HSPA2: variants seen among roughly 807,000 people sequenced by gnomAD.
HSPA2 encodes heat shock-related 70 kDa protein 2.
HSPA2 carries 13 observed loss-of-function variants against 35.0 expected under a neutral mutation model. That is an observed-to-expected ratio of 0.37 (90% CI 0.24 to 0.59). The LOEUF (loss-of-function observed/expected upper bound fraction) is 0.59, where lower values mean the gene tolerates loss of function less well. HSPA2 is among the 20% of genes least tolerant of loss of function. HSPA2 has a pLI of 0.70. For synonymous variants in HSPA2, 368 were observed against 382.1 expected (o/e 0.96, Z 0.43); for missense variants, 565 against 885.4 (o/e 0.64, Z 4.59).
chr14:64,540,126 C>T (rs1472313372), upstream of HSPA2, among the ~76,000 whole-genome samples: 4 of 152,078 alleles, frequency 2.6e-5, no homozygotes, highest in African/African-American at 9.7e-5. Context: ...CCCACCCCAG[C>T]CACCCCAATT....
Position 64,542,841 on chromosome 14 carries a change from A to G in HSPA2, c.*72A>G. ...CTTTTTTTTTGTTTGTTTCTTTGAAATGTCCTTGTGCCAAGTACGAGATCT... is the reference window on the plus strand; with the variant it reads ...CTTTTTTTTTGTTTGTTTCTTTGAAGTGTCCTTGTGCCAAGTACGAGATCT... On this transcript the variant is annotated 3_prime_UTR_variant, in exon 1 of 1. Coordinates refer to ENST00000247207, the MANE Select transcript of HSPA2 (RefSeq NM_021979.4). The surrounding 1 kb of genome is among the most constrained non-coding windows in gnomAD (Gnocchi z 5.7). 6.7e-7 allele frequency: 1 copy of G among 1,490,264 alleles called. No individual in the cohort carries two copies. The highest frequency in any genetic ancestry group is 8.9e-7 in the Non-Finnish European group (1 of 1,121,002). The allele number at this position is 1,490,264 out of a possible 1,614,324, so 92.3% of individuals were successfully genotyped here. A position where few individuals can be genotyped will look rare whatever the true frequency, so the allele number is the denominator to read the frequency against.
upstream of HSPA2, among the ~76,000 whole-genome samples, chr14:64,540,116 C>T (rs1204535251): frequency 6.6e-6 from 1 of 152,154 alleles, no homozygotes; most frequent in Non-Finnish European, 1.5e-5. Context: ...GCCCTCACCC[C>T]CCACCCCAGC....
chr14:64,542,221 CT>C lies in HSPA2; in HGVS notation c.1373del (p.Leu458ArgfsTer7). On this transcript the variant is annotated frameshift_variant, in exon 1 of 1. Transcript: ENST00000247207. LOFTEE classifies it high-confidence loss of function. This position sits in a 1 kb window ranked among gnomAD's most constrained non-coding sequence, Gnocchi z 5.7. ...ACGGGCCATGACCAAGGACAATAAC[CT>C]GCTGGGCAAGTTCGACCTGACCGGG... ...GERAMTKDNN[L>X]LGKFDLTGIP... is the part of the protein sequence containing the mutation. 6.2e-7 allele frequency: 1 copy of C among 1,613,914 alleles called. No individual in the cohort carries two copies. Among genetic ancestry groups the C allele is most frequent in the Non-Finnish European group, 8.5e-7 (1 of 1,179,968 alleles).
rs777136298 is a variant in HSPA2 at position 64,542,137 on chromosome 14, A to G, written c.1288A>G (p.Thr430Ala). 6.2e-7 allele frequency: 1 copy of G among 1,613,514 alleles called. No individual in the cohort carries two copies. The highest frequency in any genetic ancestry group is 1.7e-5 in the Admixed American group (1 of 59,988). The change falls in exon 1 of 1, where the codon ACC becomes GCC. Residue 430 changes from threonine to alanine, a missense_variant. Physicochemically the swap from Thr to Ala is moderately conservative, Grantham distance 58. Around this residue, in one of 4 missense-constraint regions of HSPA2, gnomAD observed 234 missense variants for 419.0 expected, o/e 0.56. Transcript: ENST00000247207. The surrounding 1 kb of genome is among the most constrained non-coding windows in gnomAD (Gnocchi z 5.7). ...NTTIPTKQTQ[T>A]FTTYSDNQSS... is the part of the protein sequence containing the mutation. The stretch of plus-strand genomic sequence containing the variant: ...CACGATCCCCACCAAGCAGACGCAG[A>G]CCTTCACCACCTACTCGGACAACCA...
upstream of HSPA2, among the ~76,000 whole-genome samples, chr14:64,536,675 G>A (rs45502099): frequency 2.0e-4 from 31 of 152,260 alleles, 2 homozygotes; most frequent in East Asian, 5.6e-3. Context: ...TGGGAGGATC[G>A]CTTGTGCAAG....
At position 64,541,427 on chromosome 14, in the gene HSPA2, G is replaced by C; in HGVS notation, c.578G>C (p.Gly193Ala). ...GGCCTGGACAAGAAGGGCTGCGCGG[G>C]CGGCGAGAAGAACGTGCTCATCTTT... ...AYGLDKKGCA[G>A]GEKNVLIFDL... The change falls in exon 1 of 1, where the codon GGC (glycine) becomes GCC (alanine). Residue 193 changes from glycine (G) to alanine (A), a missense_variant. By Grantham distance (60) the Gly-to-Ala change is moderately conservative. This residue lies in a region of HSPA2 where 183 missense variants were observed against 281.6 expected (regional missense o/e 0.65). Coordinates refer to ENST00000247207, the MANE Select transcript of HSPA2 (RefSeq NM_021979.4). The C allele has an allele frequency of 1.2e-6, 2 of 1,613,366 alleles. No homozygotes were observed. Among genetic ancestry groups the C allele is most frequent in the Non-Finnish European group, 1.7e-6 (2 of 1,179,686 alleles).
At position 64,541,552 on chromosome 14, in the gene HSPA2, G is replaced by T; in HGVS notation, c.703G>T (p.Asp235Tyr). Residue 235 changes from aspartate to tyrosine, a missense_variant, in exon 1 of 1, where the codon GAC becomes TAC. Coordinates refer to ENST00000247207, the MANE Select transcript of HSPA2 (RefSeq NM_021979.4). ...TAGDTHLGGE[D>Y]FDNRMVSHLA... ...CGGCGACACCCACCTGGGCGGTGAG[G>T]ACTTCGACAACCGCATGGTGAGCCA... 1 of 1,613,154 alleles carries T rather than the reference G, an allele frequency of 6.2e-7. No homozygotes were observed. The highest frequency in any genetic ancestry group is 1.1e-5 in the South Asian group (1 of 91,088).
upstream of HSPA2, among the ~76,000 whole-genome samples, chr14:64,536,605 C>T (rs944110293): frequency 2.0e-5 from 3 of 152,090 alleles, no homozygotes; most frequent in Admixed American, 1.3e-4. Flanking sequence ...TACAAAAATA[C>T]AAAAATTAGC....
upstream of HSPA2, among the ~76,000 whole-genome samples, chr14:64,536,249 G>A (rs978120353): frequency 3.3e-5 from 5 of 151,984 alleles, no homozygotes; most frequent in South Asian, 8.3e-4. Flanking sequence ...ACATTTTTCC[G>A]TGTCATTAAA....
At chr14:64,539,816 A>T (rs1190113083), upstream of HSPA2, among the ~76,000 whole-genome samples, 1 of 151,852 alleles carries the variant, frequency 6.6e-6, no homozygotes, top group Non-Finnish European at 1.5e-5. Context: ...CGAGTAGCTG[A>T]GACTACAGGC....
At chr14:64,539,333 C>T (rs745459840), upstream of HSPA2, among the ~76,000 whole-genome samples, 8 of 152,096 alleles carry the variant, frequency 5.3e-5, no homozygotes, top group Non-Finnish European at 1.0e-4. Flanking sequence ...CGATCACAAC[C>T]CCGTGTGTGC....
chr14:64,542,055 G>A lies in HSPA2; in HGVS notation c.1206G>A (p.Leu402=). 6.2e-7 allele frequency: 1 copy of A among 1,613,706 alleles called. No homozygotes were observed. Among genetic ancestry groups the A allele is most frequent in the Non-Finnish European group, 8.5e-7 (1 of 1,180,034 alleles). The stretch of plus-strand genomic sequence containing the variant: ...TGCTGCTACTCGACGTGACCCCGTT[G>A]TCGCTGGGCATCGAGACAGCTGGCG... The part of the protein sequence containing the change: ...QDLLLLDVTP[L]SLGIETAGGV... The change falls in exon 1 of 1, where the codon TTG becomes TTA. Residue 402 remains leucine (L), a synonymous_variant. Coordinates refer to ENST00000247207, the MANE Select transcript of HSPA2 (RefSeq NM_021979.4). The surrounding 1 kb of genome is among the most constrained non-coding windows in gnomAD (Gnocchi z 5.7).
Position 64,541,323 on chromosome 14 carries a change from C to T in HSPA2, c.474C>T (p.Ala158=). The change falls in exon 1 of 1, where the codon GCC becomes GCT. Residue 158 remains alanine, a synonymous_variant. Transcript: ENST00000247207. ...PAYFNDSQRQ[A]TKDAGTITGL... ...ATTTCAACGACTCGCAGCGCCAGGCCACCAAGGACGCAGGCACCATCACGG... is the reference window on the plus strand; with the variant it reads ...ATTTCAACGACTCGCAGCGCCAGGCTACCAAGGACGCAGGCACCATCACGG... The T allele has an allele frequency of 6.2e-7, 1 of 1,613,212 alleles. No individual in the cohort carries two copies. The highest frequency in any genetic ancestry group is 8.5e-7 in the Non-Finnish European group (1 of 1,179,884).
upstream of HSPA2, chr14:64,540,460 A>C (rs915870159): frequency 7.9e-6 from 2 of 252,778 alleles, no homozygotes; most frequent in East Asian, 1.1e-4. Flanking sequence ...GCGCGCGCCT[A>C]ACGCCAGCCA....
chr14:64,540,935 T>G lies in HSPA2; in HGVS notation c.86T>G (p.Ile29Ser). The change falls in exon 1 of 1, where the codon ATC (isoleucine) becomes AGC (serine). Residue 29 changes from isoleucine to serine, a missense_variant. This residue lies in a region of HSPA2 where 183 missense variants were observed against 281.6 expected (regional missense o/e 0.65). Coordinates refer to ENST00000247207, the MANE Select transcript of HSPA2 (RefSeq NM_021979.4). ...GTCTTCCAACATGGCAAGGTGGAGA[T>G]CATCGCCAACGACCAGGGCAATCGC... The part of the protein sequence containing the change: ...VGVFQHGKVE[I>S]IANDQGNRTT... The G allele has an allele frequency of 6.2e-7, 1 of 1,613,958 alleles. No homozygotes were observed. Among genetic ancestry groups the G allele is most frequent in the Non-Finnish European group, 8.5e-7 (1 of 1,180,008 alleles).
chr14:64,537,156 G>A (rs1379965528), upstream of HSPA2, among the ~76,000 whole-genome samples: 1 of 152,050 alleles, frequency 6.6e-6, no homozygotes, highest in Admixed American at 6.5e-5. Context: ...TTCAGTTGTA[G>A]CTGAGACTGT....
In HSPA2 at chr14:64,540,769, G is replaced by A; in HGVS notation, c.-81G>A. On this transcript the variant is annotated 5_prime_UTR_variant, in exon 1 of 1. Transcript: ENST00000247207. ...TTGCTGGTAGTGCCCGTGGTGCTTGGTTCGAGGTGGCCGTTAGTTGACTCC... is the reference window on the plus strand; with the variant it reads ...TTGCTGGTAGTGCCCGTGGTGCTTGATTCGAGGTGGCCGTTAGTTGACTCC... 6.4e-7 allele frequency: 1 copy of A among 1,567,618 alleles called. No homozygotes were observed. Among genetic ancestry groups the A allele is most frequent in the Non-Finnish European group, 8.6e-7 (1 of 1,156,310 alleles).
chr14:64,540,800 G>A lies in HSPA2; in HGVS notation c.-50G>A. On this transcript the variant is annotated 5_prime_UTR_variant, in exon 1 of 1. Transcript: ENST00000247207. ...GGTGGCCGTTAGTTGACTCCGCGGAGTTCATCTCCCTGGTTTTCCCGTCCT... is the reference window on the plus strand; with the variant it reads ...GGTGGCCGTTAGTTGACTCCGCGGAATTCATCTCCCTGGTTTTCCCGTCCT... The A allele has an allele frequency of 1.3e-6, 2 of 1,599,792 alleles. No individual in the cohort carries two copies. Among genetic ancestry groups the A allele is most frequent in the Non-Finnish European group, 1.7e-6 (2 of 1,171,552 alleles).
rs140108798 is a variant in HSPA2, at chr14:64,541,033, A to G, written c.184A>G (p.Met62Val). ...IGDAAKNQVA[M>V]NPTNTIFDAK... Reference sequence around the variant, plus strand: ...CGACGCCGCCAAGAACCAGGTGGCCATGAACCCCACCAACACCATCTTCGA... The same window carrying G: ...CGACGCCGCCAAGAACCAGGTGGCCGTGAACCCCACCAACACCATCTTCGA... Residue 62 changes from methionine to valine, a missense_variant, in exon 1 of 1, where the codon ATG (methionine) becomes GTG (valine). Met to Val is a conservative substitution (Grantham distance 21, BLOSUM62 1). This residue lies in a region of HSPA2 where 183 missense variants were observed against 281.6 expected (regional missense o/e 0.65). Transcript: ENST00000247207. The G allele has an allele frequency of 8.3e-4, 1,344 of 1,614,086 alleles. 3 individuals are homozygous for G. The highest frequency in any genetic ancestry group is 1.1e-3 in the Non-Finnish European group (1,258 of 1,180,054).
Sources: allele counts gnomAD v4.1 joint callset (sites outside exome capture counted in the v4.1 genomes callset), GRCh38; gene constraint gnomAD v4.1.1; regional missense constraint gnomAD v4.1.1; non-coding constraint Gnocchi (gnomAD v3.1); transcripts MANE v1.5; gene names NCBI Gene and HGNC (gene_info 2026-07-23, HGNC 2026-07-21).